Variants in ACLY observed in about 807,000 individuals in gnomAD.
ACLY encodes the protein ATP citrate lyase, also known as ATP-citrate synthase.
In ACLY, 41 loss-of-function variants were observed where a neutral mutation model predicts 133.0. The ratio of observed to expected loss-of-function variants is 0.31; its 90% confidence interval spans 0.24 to 0.40. The LOEUF (loss-of-function observed/expected upper bound fraction) is 0.40. Ranked by LOEUF, ACLY falls within the 10% of genes least tolerant of loss-of-function variation. The pLI is 1.00. For missense variants in ACLY, 1,046 were observed against 1,453.8 expected (o/e 0.72, Z 4.56); for synonymous variants, 495 against 549.3 (o/e 0.90, Z 1.38).
upstream of ACLY, among the ~76,000 whole-genome samples, chr17:41,923,817 T>C (rs1555635691): frequency 6.6e-6 from 1 of 152,140 alleles, no homozygotes; most frequent in Non-Finnish European, 1.5e-5. Flanking sequence ...TGTTTGTTTG[T>C]TTGTTTGTTT....
intron 23 of ACLY, 40 bp from the exon 24 acceptor site, chr17:41,872,222 G>A: frequency 1.9e-6 from 3 of 1,588,852 alleles, no homozygotes; most frequent in Non-Finnish European, 2.6e-6. Flanking sequence ...TGGTCGACAA[G>A]GCCATGCTCG....
At chr17:41,894,302 A>C (rs1379328742) in intron 14 of ACLY, among the ~76,000 whole-genome samples, 5 of 148,390 alleles carry the variant, frequency 3.4e-5, no homozygotes, top group African/African-American at 1.2e-4. Flanking sequence ...ACTTGAACCA[A>C]GGAGGCAGAG....
chr17:41,917,182 A>T (rs1055165142), intron 1 of ACLY, among the ~76,000 whole-genome samples: 1 of 151,680 alleles, frequency 6.6e-6, no homozygotes, highest in Non-Finnish European at 1.5e-5. Flanking sequence ...TGGAATCAGC[A>T]AATACCTACA....
chr17:41,871,648 C>G (rs781832645), intron 25 of ACLY, 41 bp downstream of exon 25: 8 of 1,612,270 alleles, frequency 5.0e-6, no homozygotes, highest in African/African-American at 1.3e-5. Flanking sequence ...GGCCACCGCG[C>G]CTGGCCTCCA....
chr17:41,919,050 A>G, upstream of ACLY: 1 of 1,280,634 alleles, frequency 7.8e-7, no homozygotes, highest in Non-Finnish European at 1.0e-6. Flanking sequence ...GATTGGCCAC[A>G]CGCGTTCCCT....
At chr17:41,907,381 G>T (rs1399992235) in intron 7 of ACLY, 61 bp downstream of exon 7, 8 of 1,445,978 alleles carry the variant, frequency 5.5e-6, no homozygotes, top group Non-Finnish European at 6.6e-6. Flanking sequence ...GCACATCAAA[G>T]ATGAGTCACC....
chr17:41,898,889 C>T (rs1056387693), intron 11 of ACLY, 104 bp from the exon 12 acceptor site: 5 of 1,187,160 alleles, frequency 4.2e-6, no homozygotes, highest in African/African-American at 1.5e-5. Context: ...CAGTGTTTGG[C>T]GCATTCAGTG....
chr17:41,917,073 G>A (rs1229150726), intron 1 of ACLY, among the ~76,000 whole-genome samples: 1 of 145,266 alleles, frequency 6.9e-6, no homozygotes, highest in Non-Finnish European at 1.5e-5. Flanking sequence ...GGAGGCGGAG[G>A]TTGCAGTGAA....
chr17:41,896,437 C>T (rs1476496144), intron 14 of ACLY, among the ~76,000 whole-genome samples, 183 bp downstream of exon 14: 6 of 152,144 alleles, frequency 3.9e-5, no homozygotes, highest in Middle Eastern at 3.4e-3. Context: ...GTACTGAGCA[C>T]GGATAGGAGG....
chr17:41,872,774 C>A (rs868985855), intron 23 of ACLY, among the ~76,000 whole-genome samples: 2 of 152,198 alleles, frequency 1.3e-5, no homozygotes, highest in Non-Finnish European at 2.9e-5. Context: ...GAGGTGAGAA[C>A]CCTGTCCCTT....
upstream of ACLY, chr17:41,919,077 C>G: frequency 8.1e-7 from 1 of 1,228,836 alleles, no homozygotes; most frequent in Non-Finnish European, 1.0e-6. Context: ...AGCGCCAGGG[C>G]TCCTCCCAAT....
intron 22 of ACLY, among the ~76,000 whole-genome samples, chr17:41,874,874 A>G (rs1327571835): frequency 7.0e-6 from 1 of 143,750 alleles, no homozygotes; most frequent in African/African-American, 2.6e-5. Context: ...CATCCAGCCC[A>G]TTGCTTCATT....
chr17:41,913,349 C>T (rs187398126), intron 2 of ACLY, among the ~76,000 whole-genome samples: 72 of 152,344 alleles, frequency 4.7e-4, no homozygotes, highest in African/African-American at 1.7e-3. Context: ...GCACCAAGCA[C>T]GCTAAATGCT....
upstream of ACLY, among the ~76,000 whole-genome samples, chr17:41,922,910 T>G (rs1399829838): frequency 2.0e-5 from 3 of 152,214 alleles, no homozygotes; most frequent in South Asian, 2.1e-4. Context: ...ACCAAGTTTC[T>G]GCCCCCAACG....
intron 19 of ACLY, among the ~76,000 whole-genome samples, chr17:41,883,571 CTTTTTTTTTGCTT>C (rs1363999490): frequency 7.5e-6 from 1 of 132,646 alleles, no homozygotes; most frequent in African/African-American, 2.8e-5. Flanking sequence ...TTAAAAAGCG[CTTTTTTTTTGCTT>C]TTTTTTTTTT....
rs201786182 is a variant in ACLY at position 41,925,257 on chromosome 17, G to A, written c.-28+5101C>T. Among the ~76,000 whole-genome samples the A allele has an allele frequency of 6.9e-4, 104 of 151,432 alleles. 1 individual carries two copies. The East Asian group carries it at 0.014, about 21-fold the overall frequency. On this transcript the variant is annotated intron_variant, in intron 1 of 3. Transcript: ENST00000592970. ...TGCCCTCCACCCTGGGCGACAGAGC[G>A]AAACTCTGTCTCAAAATAAATAAAT...
At chr17:41,914,526 G>A (rs1190229490) in intron 1 of ACLY, among the ~76,000 whole-genome samples, 1 of 152,196 alleles carries the variant, frequency 6.6e-6, no homozygotes, top group Non-Finnish European at 1.5e-5. Context: ...GGGGAGGGGG[G>A]AGGATCATCG....
At chr17:41,908,855 G>T in intron 6 of ACLY, 134 bp downstream of exon 6, 1 of 723,128 alleles carries the variant, frequency 1.4e-6, no homozygotes, top group Non-Finnish European at 2.5e-6. Context: ...ACCTGCATGG[G>T]GACCCCTCTG....
intron 22 of ACLY, among the ~76,000 whole-genome samples, chr17:41,877,817 C>T (rs1555626430): frequency 6.6e-6 from 1 of 152,124 alleles, no homozygotes; most frequent in African/African-American, 2.4e-5. Flanking sequence ...TGCTTCCTGC[C>T]CTCAAACATC....
Sources: gnomAD v4.1 joint callset for allele counts (sites outside exome capture counted in the v4.1 genomes callset) on GRCh38, gnomAD v4.1.1 for gene constraint, MANE v1.5 for transcripts, NCBI Gene and HGNC (gene_info 2026-07-23, HGNC 2026-07-21) for gene names.